Variants in MKLN1 observed in about 807,000 individuals in gnomAD.
MKLN1 encodes the protein muskelin 1, also known as muskelin.
MKLN1 carries 18 observed loss-of-function variants against 99.0 expected under a neutral mutation model. The observed-to-expected ratio is 0.18, with a 90% confidence interval of 0.13 to 0.27. The LOEUF is 0.27. Ranked by LOEUF, MKLN1 falls within the 10% of genes least tolerant of loss-of-function variation. The pLI is 1.00. For missense variants in MKLN1, 621 were observed against 875.9 expected, an observed-to-expected ratio of 0.71 and a Z score of 3.67; for synonymous variants, 288 against 293.2, an observed-to-expected ratio of 0.98 and a Z score of 0.18.
At chr7:131,425,689 TTGCTCCTTGA>T (rs1795339034) in intron 8 of MKLN1, among the ~76,000 whole-genome samples, 1 of 152,100 alleles carries the variant, frequency 6.6e-6, no homozygotes, top group African/African-American at 2.4e-5. Context: ...GGTGAAGGGG[TTGCTCCTTGA>T]AGAGGATCGT....
chr7:131,469,030 C>G (rs1796743476), intron 15 of MKLN1, among the ~76,000 whole-genome samples: 1 of 152,140 alleles, frequency 6.6e-6, no homozygotes, highest in Non-Finnish European at 1.5e-5. Flanking sequence ...TAGCCAGGTG[C>G]TACTGTAGCT....
intron 1 of MKLN1, among the ~76,000 whole-genome samples, chr7:131,367,000 A>G (rs1409428424): frequency 2.6e-5 from 4 of 152,242 alleles, no homozygotes; most frequent in Admixed American, 1.3e-4. Context: ...ATACAGATAT[A>G]GTAGATTTTA....
At chr7:131,444,211 G>A (rs1345612684) in intron 11 of MKLN1, among the ~76,000 whole-genome samples, 4 of 151,824 alleles carry the variant, frequency 2.6e-5, no homozygotes, top group African/African-American at 7.2e-5. Context: ...TTAGCCTGGC[G>A]TGGTGACCTG....
intron 12 of MKLN1, among the ~76,000 whole-genome samples, chr7:131,446,773 CA>C: frequency 6.6e-6 from 1 of 151,870 alleles, no homozygotes; most frequent in Non-Finnish European, 1.5e-5. Flanking sequence ...AACAAACAAA[CA>C]AAAAAACAAA....
At chr7:131,351,891 A>G (rs1293045576) in intron 1 of MKLN1, among the ~76,000 whole-genome samples, 1 of 152,232 alleles carries the variant, frequency 6.6e-6, no homozygotes, top group Admixed American at 6.5e-5. Flanking sequence ...CTATTTCAGT[A>G]GAAGTATCAA....
At chr7:131,280,877 T>C (rs544891867) in intron 3 of MKLN1, among the ~76,000 whole-genome samples, 1 of 152,246 alleles carries the variant, frequency 6.6e-6, no homozygotes, top group Admixed American at 6.5e-5. Context: ...TTTGTCCATG[T>C]TTTAATTGAG....
At chr7:131,178,888 A>AT (rs1318373902) in intron 2 of MKLN1, among the ~76,000 whole-genome samples, 1 of 152,080 alleles carries the variant, frequency 6.6e-6, no homozygotes, top group Non-Finnish European at 1.5e-5. Flanking sequence ...ACTCATCCAC[A>AT]TTTTTAGTGG....
At chr7:131,406,045 C>T (rs1477623758) in intron 6 of MKLN1, among the ~76,000 whole-genome samples, 2 of 151,946 alleles carry the variant, frequency 1.3e-5, no homozygotes, top group Admixed American at 6.6e-5. Flanking sequence ...TATATGTTTC[C>T]TATAGTTGGT....
At chr7:131,214,718 G>A (rs1479697473) in intron 3 of MKLN1, among the ~76,000 whole-genome samples, 1 of 152,064 alleles carries the variant, frequency 6.6e-6, no homozygotes, top group African/African-American at 2.4e-5. Flanking sequence ...TTTTCTACAT[G>A]GACTTTGTAA....
intron 1 of MKLN1, among the ~76,000 whole-genome samples, chr7:131,340,555 A>G (rs770056783): frequency 6.6e-6 from 1 of 152,182 alleles, no homozygotes; most frequent in Non-Finnish European, 1.5e-5. Flanking sequence ...CTGGGATTAC[A>G]GGCGTGAGCC....
intron 3 of MKLN1, among the ~76,000 whole-genome samples, chr7:131,231,694 A>T (rs1200117492): frequency 1.3e-5 from 2 of 152,196 alleles, no homozygotes; most frequent in African/African-American, 4.8e-5. Flanking sequence ...AGATGTTTAT[A>T]TGTAGGTGTT....
intron 3 of MKLN1, 89 bp downstream of exon 3, chr7:131,387,351 C>A: frequency 7.9e-7 from 1 of 1,262,874 alleles, no homozygotes; most frequent in Non-Finnish European, 1.1e-6. Flanking sequence ...TTTGATTTTT[C>A]TTTCAAAGGA....
chr7:131,257,801 G>A lies in MKLN1; in HGVS notation c.-179+54827G>A, dbSNP rs925304778. Among the ~76,000 whole-genome samples the A allele has an allele frequency of 2.6e-5, 4 of 152,110 alleles. No homozygotes were observed. In the South Asian group the frequency reaches 8.3e-4, roughly 32 times the overall value. On this transcript the variant is annotated intron_variant, in intron 3 of 7. Coordinates refer to the MKLN1 transcript ENST00000416992. ...TCTCCCATGTGGGGAAAAAGTCTTG[G>A]ATGCTTAGGTTGTTATTTCAGCATC...
At chr7:131,151,043 T>A (rs1795881629) in intron 2 of MKLN1, among the ~76,000 whole-genome samples, 1 of 152,222 alleles carries the variant, frequency 6.6e-6, no homozygotes, top group Non-Finnish European at 1.5e-5. Flanking sequence ...ACATGCAGTA[T>A]CTTGTATTAA....
At chr7:131,432,875 A>G (rs1392989720) in intron 9 of MKLN1, among the ~76,000 whole-genome samples, 2 of 152,236 alleles carry the variant, frequency 1.3e-5, no homozygotes, top group Non-Finnish European at 2.9e-5. Flanking sequence ...AAATGTTCAC[A>G]TATACTCATA....
intron 9 of MKLN1, among the ~76,000 whole-genome samples, chr7:131,431,692 A>T (rs1795526207): frequency 6.6e-6 from 1 of 152,224 alleles, no homozygotes; most frequent in African/African-American, 2.4e-5. Context: ...GGGCATAGAT[A>T]CAGGAAATTG....
chr7:131,405,603 C>T (rs939731506), intron 6 of MKLN1, among the ~76,000 whole-genome samples: 4 of 151,946 alleles, frequency 2.6e-5, no homozygotes, highest in African/African-American at 9.7e-5. Context: ...ATAAAATTTC[C>T]TCCTCTTGTT....
chr7:131,308,571 T>A (rs1162976652), intron 3 of MKLN1, among the ~76,000 whole-genome samples: 1 of 137,444 alleles, frequency 7.3e-6, no homozygotes, highest in African/African-American at 2.6e-5. Flanking sequence ...TCAGGTAGGT[T>A]TTTTTTGTTT....
chr7:131,443,238 T>A (rs1795894062), intron 10 of MKLN1, among the ~76,000 whole-genome samples: 1 of 152,184 alleles, frequency 6.6e-6, no homozygotes, highest in African/African-American at 2.4e-5. Context: ...TTGATAAAAA[T>A]TATGCAATTT....
Sources: allele counts gnomAD v4.1 joint callset (sites outside exome capture counted in the v4.1 genomes callset), GRCh38; gene constraint gnomAD v4.1.1; transcripts MANE v1.5; gene names NCBI Gene and HGNC (gene_info 2026-07-23, HGNC 2026-07-21).